The following CHRD variants were observed in gnomAD, a reference collection of about 807,000 sequenced individuals.
CHRD encodes the protein chordin.
A neutral mutation model predicts 113.7 loss-of-function variants in CHRD; 69 were observed. That is an observed-to-expected ratio of 0.61 (90% CI 0.50 to 0.74). The LOEUF (loss-of-function observed/expected upper bound fraction) is 0.74, where lower values mean the gene tolerates loss of function less well. Among genes scored for constraint, CHRD ranks in the 30% least tolerant of loss-of-function variants. The pLI is 0.00. For synonymous variants in CHRD, 561 were observed against 540.8 expected (o/e 1.04, Z -0.52); for missense variants, 1,194 against 1,295.8 (o/e 0.92, Z 1.21).
rs763521736 is a variant in CHRD at position 184,382,863 on chromosome 3, C to T, written c.990C>T (p.Thr330=). 5.6e-6 allele frequency: 9 copies of T among 1,612,934 alleles called. No homozygotes were observed. The African/African-American group carries it at 1.1e-4, about 19-fold the overall frequency. ...ACATGTGCGGCCTTGCAGGACTAAC[C>T]CAGGTTCCCTTGAGGCTCCAGATTC... Residue 330 remains threonine, a synonymous_variant, in exon 9 of 23, where the codon ACC becomes ACT. Coordinates refer to ENST00000204604, the Ensembl canonical transcript of CHRD.
Position 184,381,587 on chromosome 3 carries a change from A to G in CHRD, c.474A>G (p.Pro158=), listed in dbSNP as rs1235856765. The stretch of plus-strand genomic sequence containing the variant: ...GCAGTTATAGCGACCGCGGGGAGCC[A>G]GGCGCTGAGGAGCGGGCCCGTGGTG... Residue 158 remains proline (P), a synonymous_variant, in exon 4 of 23, where the codon CCA becomes CCG. Coordinates refer to ENST00000204604, the Ensembl canonical transcript of CHRD. The surrounding 1 kb of genome is among the most constrained non-coding windows in gnomAD (Gnocchi z 4.7). The G allele has an allele frequency of 1.9e-6, 3 of 1,608,374 alleles. No homozygotes were observed. The African/African-American group carries it at 4.0e-5, about 21-fold the overall frequency.
Position 184,386,178 on chromosome 3 carries a change from C to T in CHRD, c.1932+19C>T, listed in dbSNP as rs1021766837. ...AGGGCAGGTAGGTGGCGAGTGTGGG[C>T]AGTGGGGGCAGTGGGGAGGGTGCAG... On this transcript the variant is annotated intron_variant, in intron 15 of 22. Transcript: ENST00000204604. 3.1e-6 allele frequency: 5 copies of T among 1,607,028 alleles called. No homozygotes were observed. The Admixed American group carries it at 8.3e-5, about 27-fold the overall frequency.
Position 184,389,094 on chromosome 3 carries a change from A to G in CHRD, c.2812+99A>G, listed in dbSNP as rs868515188. On this transcript the variant is annotated intron_variant, in intron 22 of 22. Transcript: ENST00000204604. ...GGGAGCACTCACTGTGTGCAGGAAC[A>G]GTGCAGCCTGCCTCACAAGTGCCAT... The G allele has an allele frequency of 4.2e-5, 35 of 839,866 alleles. 1 individual carries two copies. The South Asian group carries it at 5.4e-4, about 13-fold the overall frequency. The allele number at this position is 839,866 out of a possible 1,614,324, so 52.0% of individuals were successfully genotyped here.
chr3:184,381,876 G>A lies in CHRD; in HGVS notation c.612-57G>A, dbSNP rs1715497778. ...CCGGGGCCCGGGAGGGAAACTGGGAGAGCTGGGAGGGGCTGCTTTTGGCTC... is the reference window on the plus strand; with the variant it reads ...CCGGGGCCCGGGAGGGAAACTGGGAAAGCTGGGAGGGGCTGCTTTTGGCTC... On this transcript the variant is annotated intron_variant, in intron 5 of 22. Transcript: ENST00000204604. The surrounding 1 kb of genome is among the most constrained non-coding windows in gnomAD (Gnocchi z 4.7). The A allele has an allele frequency of 6.2e-7, 1 of 1,611,778 alleles. No individual in the cohort carries two copies. Among genetic ancestry groups the A allele is most frequent in the African/African-American group, 1.3e-5 (1 of 74,906 alleles).
intron 22 of CHRD, 130 bp from the exon 23 acceptor site, chr3:184,389,237 C>T (rs1716843850): frequency 2.6e-5 from 20 of 774,304 alleles, no homozygotes; most frequent in Admixed American, 2.4e-5. Context: ...CAGCTGTGTG[C>T]ACTGACCTGT....
chr3:184,380,363 G>T lies in CHRD; in HGVS notation c.45G>T (p.Gly15=). The T allele has an allele frequency of 1.5e-6, 2 of 1,355,202 alleles. No individual in the cohort carries two copies. The highest frequency in any genetic ancestry group is 2.8e-4 in the Middle Eastern group (1 of 3,560). The allele number at this position is 1,355,202 out of a possible 1,614,324, so 83.9% of individuals were successfully genotyped here. The stretch of plus-strand genomic sequence containing the variant: ...CGCCGGCCCCGCTGCTGCTCCTCGG[G>T]CTGCTGCTGCTCGGCTCCCGGCCGG... Residue 15 remains glycine, a synonymous_variant, in exon 1 of 23, where the codon GGG becomes GGT. Transcript: ENST00000204604. This position sits in a 1 kb window ranked among gnomAD's most constrained non-coding sequence, Gnocchi z 6.3.
intron 10 of CHRD, 53 bp downstream of exon 10, chr3:184,383,216 G>A: frequency 6.3e-7 from 1 of 1,589,808 alleles, no homozygotes; most frequent in African/African-American, 1.3e-5. Context: ...GAGAGACACA[G>A]ACAAGTGCCA....
In CHRD at chr3:184,381,783, C is replaced by G. The variant is rs760253753; in HGVS notation, c.579C>G (p.Arg193=). 6.2e-7 allele frequency: 1 copy of G among 1,613,256 alleles called. No homozygotes were observed. The highest frequency in any genetic ancestry group is 8.5e-7 in the Non-Finnish European group (1 of 1,179,940). ...CACGAGCCCGAGTCTCGCTGCTGCG[C>G]TCTAGCCTCCGCTTCTCTATCTCCT... Residue 193 remains arginine, a synonymous_variant, in exon 5 of 23, where the codon CGC becomes CGG. Coordinates refer to ENST00000204604, the Ensembl canonical transcript of CHRD. The surrounding 1 kb of genome is among the most constrained non-coding windows in gnomAD (Gnocchi z 4.7).
rs61133846 is a variant in CHRD at position 184,388,387 on chromosome 3, GCATCCATCCATC to G, written c.2555-166_2555-155del. 0.25 allele frequency among the ~76,000 whole-genome samples: 36,317 copies of G among 146,004 alleles called. 5,168 individuals are homozygous for G. The highest frequency in any genetic ancestry group is 0.48 in the Middle Eastern group (140 of 292). On this transcript the variant is annotated intron_variant, in intron 20 of 22. Coordinates refer to ENST00000204604, the Ensembl canonical transcript of CHRD. The surrounding 1 kb of genome is among the most constrained non-coding windows in gnomAD (Gnocchi z 6.1). Reference sequence around the variant, plus strand: ...TCCATCCACCCATCCACCCATTGATGCATCCATCCATCCATCCATCCATCCATCCATCCATCC... The same window carrying G: ...TCCATCCACCCATCCACCCATTGATGCATCCATCCATCCATCCATCCATCC...
chr3:184,386,867 C>T (rs768399856), exon 17 of CHRD: 57 of 1,614,050 alleles, frequency 3.5e-5, no homozygotes, highest in Non-Finnish European at 4.5e-5. Flanking sequence ...ATCTGTGACC[C>T]GGTGGTGTGC....
At position 184,381,760 on chromosome 3, in the gene CHRD, C is replaced by A; in HGVS notation, c.556C>A (p.Arg186=). Residue 186 remains arginine (R), a synonymous_variant, in exon 5 of 23, where the codon CGA becomes AGA. Coordinates refer to ENST00000204604, the Ensembl canonical transcript of CHRD. This position sits in a 1 kb window ranked among gnomAD's most constrained non-coding sequence, Gnocchi z 4.7. Reference sequence around the variant, plus strand: ...AGGGCCGAGGTCGCAGGCGGTGGCACGAGCCCGAGTCTCGCTGCTGCGCTC... The same window carrying A: ...AGGGCCGAGGTCGCAGGCGGTGGCAAGAGCCCGAGTCTCGCTGCTGCGCTC... 1 of 1,613,126 alleles carries A rather than the reference C, an allele frequency of 6.2e-7. No homozygotes were observed. The highest frequency in any genetic ancestry group is 1.1e-5 in the South Asian group (1 of 91,060).
At chr3:184,383,457 C>A (rs1449960555) in intron 11 of CHRD, 39 bp downstream of exon 11, 1 of 1,612,500 alleles carries the variant, frequency 6.2e-7, no homozygotes. Flanking sequence ...GGAGGGGTGG[C>A]GTGGGCAGCA....
intron 7 of CHRD, 52 bp downstream of exon 7, chr3:184,382,582 A>C (rs768585442): frequency 1.9e-6 from 3 of 1,610,924 alleles, no homozygotes; most frequent in Non-Finnish European, 2.5e-6. Context: ...TCTATCACCC[A>C]GGAAAGGGGG....
exon 16 of CHRD, chr3:184,386,571 C>A (rs1374752444): frequency 6.4e-7 from 1 of 1,564,786 alleles, no homozygotes; most frequent in Non-Finnish European, 8.6e-7. Context: ...GCGCTGGGGG[C>A]TCCGGATACA....
chr3:184,382,967 C>T (rs774954329), intron 9 of CHRD, 29 bp downstream of exon 9: 108 of 1,613,242 alleles, frequency 6.7e-5, no homozygotes, highest in Non-Finnish European at 8.4e-5. Flanking sequence ...CTCGCTGCCA[C>T]CTGTCTTGGC....
At chr3:184,383,189 G>A (rs373117311) in intron 10 of CHRD, 26 bp downstream of exon 10, 74 of 1,591,352 alleles carry the variant, frequency 4.7e-5, no homozygotes, top group South Asian at 4.2e-4. Flanking sequence ...GGCCTGGTGC[G>A]CCGGGCATGC....
At position 184,384,026 on chromosome 3, in the gene CHRD, C is replaced by T. The variant is rs1209155105; in HGVS notation, c.1440+384C>T. On this transcript the variant is annotated intron_variant, in intron 12 of 22. Coordinates refer to ENST00000204604, the Ensembl canonical transcript of CHRD. The surrounding 1 kb of genome is among the most constrained non-coding windows in gnomAD (Gnocchi z 4.4). The stretch of plus-strand genomic sequence containing the variant: ...TCTTGACCTCATGGTCCGCCCACTT[C>T]GGCCTCCCAAAGTGCTGGGATTACA... Among the ~76,000 whole-genome samples the T allele has an allele frequency of 3.9e-5, 6 of 152,114 alleles. No homozygotes were observed. Among genetic ancestry groups the T allele is most frequent in the South Asian group, 2.1e-4 (1 of 4,828 alleles).
Position 184,380,530 on chromosome 3 carries a change from C to G in CHRD, c.148+64C>G, listed in dbSNP as rs970328243. On this transcript the variant is annotated intron_variant, in intron 1 of 22. Transcript: ENST00000204604. The surrounding 1 kb of genome is among the most constrained non-coding windows in gnomAD (Gnocchi z 6.3). ...GGCTCGGGGCGAGTCAGCGCCAGCC[C>G]GGAGGGGGCGCGGGGCGCAGGTGGC... 9.5e-7 allele frequency: 1 copy of G among 1,053,998 alleles called. No homozygotes were observed. The highest frequency in any genetic ancestry group is 1.7e-5 in the African/African-American group (1 of 58,442). 65.3% of individuals were successfully genotyped at this position (1,053,998 alleles called of 1,614,324 possible).
intron 12 of CHRD, 140 bp downstream of exon 12, chr3:184,383,782 T>A: frequency 1.1e-6 from 1 of 909,116 alleles, no homozygotes; most frequent in Non-Finnish European, 1.6e-6. Flanking sequence ...TGACTTTTTT[T>A]TTTTTTTTTT....
Sources: allele counts gnomAD v4.1 joint callset (sites outside exome capture counted in the v4.1 genomes callset), GRCh38; gene constraint gnomAD v4.1.1; non-coding constraint Gnocchi (gnomAD v3.1); transcripts MANE v1.5; gene names NCBI Gene and HGNC (gene_info 2026-07-23, HGNC 2026-07-21).